The following XPR1 variants were observed in gnomAD, a reference collection of about 807,000 sequenced individuals.
XPR1 encodes the protein xenotropic and polytropic retrovirus receptor 1, also known as solute carrier family 53 member 1.
A neutral mutation model predicts 87.5 loss-of-function variants in XPR1; 28 were observed. The observed-to-expected ratio is 0.32, with a 90% confidence interval of 0.24 to 0.44. The LOEUF is 0.44. Among genes scored for constraint, XPR1 ranks in the 20% least tolerant of loss-of-function variants. The pLI is 1.00. For missense variants in XPR1, 559 were observed against 862.3 expected, an observed-to-expected ratio of 0.65 and a Z score of 4.41; for synonymous variants, 300 against 306.1, an observed-to-expected ratio of 0.98 and a Z score of 0.21.
intron 1 of XPR1, among the ~76,000 whole-genome samples, chr1:180,639,908 G>A (rs529699034): frequency 6.6e-6 from 1 of 152,216 alleles, no homozygotes; most frequent in African/African-American, 2.4e-5. Context: ...ATAGAGAAAA[G>A]AAAGTTGGCT....
chr1:180,780,583 A>G (rs1163732573), intron 2 of XPR1, among the ~76,000 whole-genome samples: 1 of 152,262 alleles, frequency 6.6e-6, no homozygotes, highest in Middle Eastern at 3.4e-3. Context: ...CCTGGCTAAC[A>G]TGGTGAAACC....
intron 2 of XPR1, among the ~76,000 whole-genome samples, chr1:180,736,155 G>A (rs967676208): frequency 2.6e-5 from 4 of 152,158 alleles, no homozygotes; most frequent in Non-Finnish European, 5.9e-5. Context: ...ACTGCCTTAC[G>A]ACATTAATGT....
chr1:180,757,204 C>G (rs1422212502), intron 2 of XPR1, among the ~76,000 whole-genome samples: 1 of 152,082 alleles, frequency 6.6e-6, no homozygotes, highest in Non-Finnish European at 1.5e-5. Flanking sequence ...GTAGGGGTGA[C>G]ATTTCAACAA....
At chr1:180,787,286 G>GTT (rs113585092) in intron 2 of XPR1, among the ~76,000 whole-genome samples, 65 of 146,434 alleles carry the variant, frequency 4.4e-4, no homozygotes, top group Middle Eastern at 3.5e-3. Context: ...GGTTTTTTTT[G>GTT]TTTTTTTTTT....
At chr1:180,738,610 A>G (rs1188831005) in intron 2 of XPR1, among the ~76,000 whole-genome samples, 1 of 152,178 alleles carries the variant, frequency 6.6e-6, no homozygotes, top group Non-Finnish European at 1.5e-5. Flanking sequence ...AGGTTACAAC[A>G]TTTTCATCAC....
At chr1:180,659,987 A>G (rs143445513) in intron 1 of XPR1, among the ~76,000 whole-genome samples, 9 of 152,268 alleles carry the variant, frequency 5.9e-5, no homozygotes, top group African/African-American at 2.2e-4. Context: ...CAGTGAAACC[A>G]TTGGGTCCCA....
At chr1:180,819,577 C>CTACT (rs1650536480) in intron 7 of XPR1, among the ~76,000 whole-genome samples, 1 of 152,144 alleles carries the variant, frequency 6.6e-6, no homozygotes, top group Non-Finnish European at 1.5e-5. Context: ...GGACAGAATA[C>CTACT]TACTGTTGCT....
At chr1:180,800,519 G>C (rs922557113) in intron 3 of XPR1, among the ~76,000 whole-genome samples, 8 of 152,338 alleles carry the variant, frequency 5.3e-5, no homozygotes, top group Non-Finnish European at 7.4e-5. Flanking sequence ...AAGCAGCCTA[G>C]CTAACACCTT....
chr1:180,815,474 G>A (rs979495572), intron 7 of XPR1, among the ~76,000 whole-genome samples: 7 of 152,102 alleles, frequency 4.6e-5, no homozygotes, highest in African/African-American at 1.7e-4. Context: ...AGTGTTGAGA[G>A]TCAAAGAGAA....
At chr1:180,822,348 C>A (rs1482143581) in intron 7 of XPR1, among the ~76,000 whole-genome samples, 1 of 152,196 alleles carries the variant, frequency 6.6e-6, no homozygotes, top group Non-Finnish European at 1.5e-5. Context: ...CCCCAAACAT[C>A]CCAATGCTTT....
intron 1 of XPR1, among the ~76,000 whole-genome samples, chr1:180,677,718 G>A (rs1259755228): frequency 6.6e-6 from 1 of 152,178 alleles, no homozygotes; most frequent in Non-Finnish European, 1.5e-5. Context: ...AGGCAAGAAG[G>A]TAGTTTGTTT....
chr1:180,849,044 C>G (rs1651781283), intron 11 of XPR1, among the ~76,000 whole-genome samples: 1 of 152,142 alleles, frequency 6.6e-6, no homozygotes, highest in Non-Finnish European at 1.5e-5. Flanking sequence ...ACTATACACA[C>G]ATGTGCGTAT....
At chr1:180,759,887 C>G (rs966961533) in intron 2 of XPR1, among the ~76,000 whole-genome samples, 5 of 152,188 alleles carry the variant, frequency 3.3e-5, no homozygotes, top group African/African-American at 1.2e-4. Flanking sequence ...CAAACCGAAT[C>G]CAGCAGCACA....
chr1:180,764,124 G>A (rs1245298766), intron 2 of XPR1, among the ~76,000 whole-genome samples: 1 of 152,192 alleles, frequency 6.6e-6, no homozygotes, highest in Non-Finnish European at 1.5e-5. Context: ...GATTGATGGT[G>A]ATGCCAAACA....
At chr1:180,696,644 T>C (rs1012248856) in intron 2 of XPR1, among the ~76,000 whole-genome samples, 1 of 152,132 alleles carries the variant, frequency 6.6e-6, no homozygotes, top group African/African-American at 2.4e-5. Context: ...TGGCCTTTAT[T>C]ATGTTGAGAT....
At position 180,825,360 on chromosome 1, in the gene XPR1, T is replaced by A. The variant is rs1312935093; in HGVS notation, c.1134+16T>A. ...TAAACTGCTGGTAAGTCCAGAAACT[T>A]GTGTACCACTTTTAGAGTGGCATAT... is the stretch of plus-strand genomic sequence containing the variant. On this transcript the variant is annotated intron_variant, in intron 9 of 14. Coordinates refer to ENST00000367590, the MANE Select transcript of XPR1 (RefSeq NM_004736.4). 6.2e-7 allele frequency: 1 copy of A among 1,604,038 alleles called. No homozygotes were observed. The highest frequency in any genetic ancestry group is 8.5e-7 in the Non-Finnish European group (1 of 1,176,062).
intron 2 of XPR1, among the ~76,000 whole-genome samples, chr1:180,721,136 G>C (rs954270749): frequency 1.3e-5 from 2 of 151,382 alleles, no homozygotes; most frequent in African/African-American, 4.9e-5. Flanking sequence ...CAGGAGAATC[G>C]CTTGAACCCC....
chr1:180,828,817 A>T (rs1382162293), intron 9 of XPR1, among the ~76,000 whole-genome samples: 1 of 152,194 alleles, frequency 6.6e-6, no homozygotes. Flanking sequence ...GTACTCTTAA[A>T]CACTAACATT....
intron 1 of XPR1, among the ~76,000 whole-genome samples, chr1:180,660,154 A>G (rs537868190): frequency 6.6e-6 from 1 of 152,274 alleles, no homozygotes; most frequent in Admixed American, 6.5e-5. Flanking sequence ...TTACTGGCAT[A>G]TAGTTGCTCA....
Sources: gnomAD v4.1 joint callset for allele counts (sites outside exome capture counted in the v4.1 genomes callset) on GRCh38, gnomAD v4.1.1 for gene constraint, MANE v1.5 for transcripts, NCBI Gene and HGNC (gene_info 2026-07-23, HGNC 2026-07-21) for gene names.